OR51B5: variants seen among roughly 807,000 people sequenced by gnomAD.
OR51B5 encodes olfactory receptor family 51 subfamily B member 5.
For missense variants in OR51B5, 456 were observed against 374.6 expected, an observed-to-expected ratio of 1.22 and a Z score of -1.79; for synonymous variants, 186 against 144.8, an observed-to-expected ratio of 1.28 and a Z score of -2.04.
At chr11:5,357,757 C>T (rs1281658392) in intron 1 of OR51B5, among the ~76,000 whole-genome samples, 90 of 150,384 alleles carry the variant, frequency 6.0e-4, no homozygotes, top group African/African-American at 2.1e-3. Flanking sequence ...CACTCCTCAG[C>T]AAATGTAAAA....
chr11:5,433,701 C>T (rs1850560967), intron 1 of OR51B5, among the ~76,000 whole-genome samples: 1 of 152,086 alleles, frequency 6.6e-6, no homozygotes, highest in Non-Finnish European at 1.5e-5. Context: ...GGCATGGTGG[C>T]ACATGCCTGT....
intron 1 of OR51B5, among the ~76,000 whole-genome samples, chr11:5,459,321 G>T (rs542892920): frequency 1.3e-5 from 2 of 152,252 alleles, no homozygotes; most frequent in South Asian, 4.2e-4. Flanking sequence ...GCTTATAGGG[G>T]ATTAGCTCTT....
intron 1 of OR51B5, among the ~76,000 whole-genome samples, chr11:5,496,418 C>T (rs1016905566): frequency 1.3e-5 from 2 of 152,216 alleles, no homozygotes; most frequent in Admixed American, 6.5e-5. Flanking sequence ...TGCCCTTTCA[C>T]CGCTCATGGT....
intron 1 of OR51B5, among the ~76,000 whole-genome samples, chr11:5,434,017 A>T (rs1850563897): frequency 6.6e-6 from 1 of 152,036 alleles, no homozygotes; most frequent in African/African-American, 2.4e-5. Context: ...CCTCTTACCA[A>T]TTTATTTATC....
At chr11:5,369,874 G>C (rs1359621024) in intron 1 of OR51B5, among the ~76,000 whole-genome samples, 1 of 152,166 alleles carries the variant, frequency 6.6e-6, no homozygotes, top group Non-Finnish European at 1.5e-5. Context: ...GTCAACAGTT[G>C]TTAAAAGTGA....
At chr11:5,401,258 C>T (rs151055235) in intron 1 of OR51B5, among the ~76,000 whole-genome samples, 49 of 152,274 alleles carry the variant, frequency 3.2e-4, no homozygotes, top group African/African-American at 1.1e-3. Flanking sequence ...GAAAAAGTCC[C>T]AATGGATAAG....
intron 1 of OR51B5, among the ~76,000 whole-genome samples, chr11:5,494,743 G>A (rs1239969410): frequency 6.6e-6 from 1 of 152,158 alleles, no homozygotes; most frequent in African/African-American, 2.4e-5. Context: ...TTATTTTGAA[G>A]ATTAAGGAGT....
intron 1 of OR51B5, chr11:5,389,671 CA>C (rs1199611837): frequency 9.9e-6 from 16 of 1,613,594 alleles, no homozygotes; most frequent in Non-Finnish European, 1.4e-5. Context: ...CCACGTTGCC[CA>C]CCACTATGGG....
chr11:5,441,021 A>G (rs779573164), intron 1 of OR51B5: 1 of 1,614,018 alleles, frequency 6.2e-7, no homozygotes, highest in Non-Finnish European at 8.5e-7. Context: ...CAGTCGTTTC[A>G]CCACAAAAGG....
chr11:5,404,004 C>T (rs537799157), intron 1 of OR51B5, among the ~76,000 whole-genome samples: 64 of 152,172 alleles, frequency 4.2e-4, no homozygotes, highest in African/African-American at 1.5e-3. Context: ...GCTTCCACTA[C>T]AGGCTATGAT....
chr11:5,370,434 C>T (rs1422744294), intron 1 of OR51B5, among the ~76,000 whole-genome samples: 1 of 152,162 alleles, frequency 6.6e-6, no homozygotes. Context: ...TTCAAATCTT[C>T]AGAGGATCAT....
At chr11:5,352,909 A>G (rs919706986) in intron 1 of OR51B5, among the ~76,000 whole-genome samples, 1 of 148,322 alleles carries the variant, frequency 6.7e-6, no homozygotes, top group African/African-American at 2.5e-5. Flanking sequence ...ATATATATAT[A>G]TGAACCAATT....
At chr11:5,418,916 C>T (rs1009266646) in intron 1 of OR51B5, among the ~76,000 whole-genome samples, 10 of 146,634 alleles carry the variant, frequency 6.8e-5, no homozygotes, top group Non-Finnish European at 1.5e-4. Context: ...ACTAGAAGTT[C>T]CTGAGACACC....
chr11:5,441,086 T>C (rs1850680717), intron 1 of OR51B5: 3 of 1,613,790 alleles, frequency 1.9e-6, no homozygotes, highest in African/African-American at 2.7e-5. Flanking sequence ...CCATAGCCAA[T>C]ATACGGTTGT....
At chr11:5,355,532 C>CA (rs34589268) in intron 1 of OR51B5, 40,425 of 152,394 alleles carry the variant, frequency 0.27, 5,616 homozygotes, top group African/African-American at 0.31. Context: ...GAAACACTAG[C>CA]ACCTGCTTCT....
chr11:5,374,220 A>G (rs1489819912), intron 1 of OR51B5, among the ~76,000 whole-genome samples: 2 of 152,300 alleles, frequency 1.3e-5, no homozygotes, highest in South Asian at 2.1e-4. Context: ...CCAGGCAAAC[A>G]GGGTCTGGAG....
chr11:5,430,623 T>C lies in OR51B5; in HGVS notation n.84+74946A>G, dbSNP rs926896410. The C allele has an allele frequency of 2.1e-5, 9 of 425,388 alleles. No homozygotes were observed. In the Admixed American group the frequency reaches 2.3e-4, roughly 11 times the overall value. 26.4% of individuals were successfully genotyped at this position (425,388 alleles called of 1,614,324 possible). On this transcript the variant is annotated intron_variant and non_coding_transcript_variant, in intron 1 of 4. Coordinates refer to the OR51B5 transcript ENST00000415970. ...GAAACATTATCGGAATTTATGAATT[T>C]AATGACAGTTCCTGACTCCTTGCAG... is the stretch of plus-strand genomic sequence containing the variant.
intron 1 of OR51B5, among the ~76,000 whole-genome samples, chr11:5,458,087 T>G (rs1406900060): frequency 6.6e-6 from 1 of 152,216 alleles, no homozygotes; most frequent in Non-Finnish European, 1.5e-5. Context: ...AGGATTTTTA[T>G]AGTTTTAGTT....
intron 1 of OR51B5, among the ~76,000 whole-genome samples, chr11:5,498,716 G>A (rs1479880117): frequency 6.6e-6 from 1 of 152,104 alleles, no homozygotes; most frequent in Non-Finnish European, 1.5e-5. Context: ...GATACACCAT[G>A]CATGCTGGGT....
Sources: allele counts gnomAD v4.1 joint callset (sites outside exome capture counted in the v4.1 genomes callset), GRCh38; gene constraint gnomAD v4.1.1; transcripts MANE v1.5; gene names NCBI Gene and HGNC (gene_info 2026-07-23, HGNC 2026-07-21).